The following PTPRJ variants were observed in gnomAD, a reference collection of about 807,000 sequenced individuals.
PTPRJ encodes the protein protein tyrosine phosphatase receptor type J.
In PTPRJ, 129 loss-of-function variants were observed where a neutral mutation model predicts 141.3. That is an observed-to-expected ratio of 0.91 (90% CI 0.79 to 1.06). The LOEUF is 1.06. Ranked by LOEUF, PTPRJ falls within the 50% of genes least tolerant of loss-of-function variation. The probability of loss-of-function intolerance (pLI) is 0.00; values close to 1 mark genes in which losing one functional copy is unlikely to be tolerated. For missense variants in PTPRJ, 1,601 were observed against 1,679.7 expected (o/e 0.95, Z 0.82); for synonymous variants, 610 against 640.5 (o/e 0.95, Z 0.72).
intron 1 of PTPRJ, among the ~76,000 whole-genome samples, chr11:47,991,248 A>G (rs1042098588): frequency 2.6e-5 from 4 of 152,122 alleles, no homozygotes; most frequent in Non-Finnish European, 5.9e-5. Flanking sequence ...CCTAGCCCCG[A>G]AGGAGCACAG....
At chr11:48,045,853 C>T (rs1036329868) in intron 1 of PTPRJ, among the ~76,000 whole-genome samples, 5 of 152,120 alleles carry the variant, frequency 3.3e-5, no homozygotes, top group South Asian at 2.1e-4. Flanking sequence ...CATGTGTTCC[C>T]GTGAGTGGAG....
At chr11:48,047,217 T>G (rs1357811633) in intron 1 of PTPRJ, among the ~76,000 whole-genome samples, 1 of 152,078 alleles carries the variant, frequency 6.6e-6, no homozygotes, top group African/African-American at 2.4e-5. Flanking sequence ...TGCCAGGCCT[T>G]ACATAAAAAT....
intron 1 of PTPRJ, chr11:48,046,410 G>A (rs1854399338): frequency 6.6e-6 from 1 of 152,156 alleles, no homozygotes; most frequent in African/African-American, 2.4e-5. Flanking sequence ...CTGTCTTATA[G>A]GTAAGGAAAT....
chr11:47,983,523 G>C (rs574348055), intron 1 of PTPRJ, among the ~76,000 whole-genome samples: 2 of 152,346 alleles, frequency 1.3e-5, no homozygotes, highest in African/African-American at 4.8e-5. Flanking sequence ...ATGCCGGAAG[G>C]CTCAGTGCTT....
intron 1 of PTPRJ, among the ~76,000 whole-genome samples, chr11:48,026,960 T>C (rs764400017): frequency 2.6e-5 from 4 of 151,160 alleles, no homozygotes; most frequent in Non-Finnish European, 4.4e-5. Context: ...TAAGGCTCCA[T>C]GACAATGGCC....
chr11:48,048,202 T>C (rs1854460124), intron 1 of PTPRJ, among the ~76,000 whole-genome samples: 1 of 152,194 alleles, frequency 6.6e-6, no homozygotes, highest in Non-Finnish European at 1.5e-5. Context: ...CCCTTGCCTT[T>C]GCTTGGGAGG....
At chr11:48,049,507 G>A (rs558061059) in intron 1 of PTPRJ, among the ~76,000 whole-genome samples, 5 of 138,856 alleles carry the variant, frequency 3.6e-5, no homozygotes, top group East Asian at 2.0e-4. Context: ...GTGAAACCCC[G>A]TCTCTACTAA....
chr11:48,161,986 G>A (rs1857794607), intron 22 of PTPRJ, among the ~76,000 whole-genome samples: 1 of 152,060 alleles, frequency 6.6e-6, no homozygotes. Context: ...ACTGCTTGGG[G>A]CTTACCTTGT....
chr11:48,082,410 ATTTTTT>A (rs386373791), intron 1 of PTPRJ, among the ~76,000 whole-genome samples: 9 of 125,254 alleles, frequency 7.2e-5, no homozygotes, highest in Non-Finnish European at 1.1e-4. Context: ...TACCTGGCAA[ATTTTTT>A]TTTTTTTTTT....
At chr11:48,012,390 C>T (rs569150926) in intron 1 of PTPRJ, among the ~76,000 whole-genome samples, 43 of 152,118 alleles carry the variant, frequency 2.8e-4, no homozygotes, top group South Asian at 6.2e-4. Context: ...CATGCCTGTT[C>T]GTTCAGCAGG....
At position 48,167,427 on chromosome 11, in the gene PTPRJ, C is replaced by T. The variant is rs529989420; in HGVS notation, c.*65C>T. On this transcript the variant is annotated 3_prime_UTR_variant, in exon 25 of 25. Transcript: ENST00000418331. ...GCACCCACAGCGAAGGCACATGCCC[C>T]GATGTCGACATGTTTTTATATGTCT... The T allele has an allele frequency of 3.2e-5, 48 of 1,502,760 alleles. No homozygotes were observed. In the East Asian group the frequency reaches 4.5e-4, roughly 14 times the overall value. The allele number at this position is 1,502,760 out of a possible 1,614,324, so 93.1% of individuals were successfully genotyped here. A position where few individuals can be genotyped will look rare whatever the true frequency, so the allele number is the denominator to read the frequency against.
chr11:48,077,147 T>C (rs1487999311), intron 1 of PTPRJ, among the ~76,000 whole-genome samples: 1 of 152,108 alleles, frequency 6.6e-6, no homozygotes. Flanking sequence ...ATTATAGGCA[T>C]GAACCACTGT....
At position 48,136,165 on chromosome 11, in the gene PTPRJ, C is replaced by G. The variant is rs199862481; in HGVS notation, c.1742C>G (p.Ser581Cys). The change falls in exon 9 of 25, where the codon TCT (serine) becomes TGT (cysteine). Residue 581 changes from serine to cysteine, a missense_variant. Transcript: ENST00000418331. ...YHLVIESKHG[S>C]NHTSTYDKAI... ...TTAGTCATAGAGTCCAAGCATGGCT[C>G]TAACCACACAAGCACGTATGACAAA... 1.1e-4 allele frequency: 171 copies of G among 1,614,228 alleles called. 1 individual carries two copies. The Admixed American group carries it at 1.3e-3, about 12-fold the overall frequency.
At chr11:47,987,717 T>C (rs1057144773) in intron 1 of PTPRJ, among the ~76,000 whole-genome samples, 14 of 152,212 alleles carry the variant, frequency 9.2e-5, no homozygotes, top group Admixed American at 7.9e-4. Flanking sequence ...TTTACCACCT[T>C]GTATGGCTGG....
At position 48,127,783 on chromosome 11, in the gene PTPRJ, C is replaced by T; in HGVS notation, c.1097C>T (p.Ala366Val). Reference sequence around the variant, plus strand: ...AACTCCTCTTGTGTTCTCACAGATGCTATTCAGGTTTTTGACGTCACCGCT... The same window carrying T: ...AACTCCTCTTGTGTTCTCACAGATGTTATTCAGGTTTTTGACGTCACCGCT... ...QPQAIEFRTN[A>V]IQVFDVTAVN... The change falls in exon 7 of 25, where the codon GCT (alanine) becomes GTT (valine). Residue 366 changes from alanine to valine, a missense_variant. Ala to Val is a moderately conservative substitution (Grantham distance 64). Transcript: ENST00000418331. 6.2e-6 allele frequency: 10 copies of T among 1,613,978 alleles called. No homozygotes were observed. The highest frequency in any genetic ancestry group is 8.5e-6 in the Non-Finnish European group (10 of 1,179,846).
chr11:48,036,672 T>C (rs1203706516), intron 1 of PTPRJ, among the ~76,000 whole-genome samples: 1 of 152,182 alleles, frequency 6.6e-6, no homozygotes, highest in Non-Finnish European at 1.5e-5. Context: ...TAGGAGAGAT[T>C]CCTAGAAATG....
At chr11:48,107,218 A>G (rs1021831225) in intron 1 of PTPRJ, among the ~76,000 whole-genome samples, 54 of 151,892 alleles carry the variant, frequency 3.6e-4, no homozygotes, top group African/African-American at 1.2e-3. Flanking sequence ...CTGGAACCAC[A>G]GTTGGGACTG....
intron 8 of PTPRJ, chr11:48,132,000 A>T: frequency 2.9e-6 from 1 of 344,432 alleles, no homozygotes; most frequent in Non-Finnish European, 4.1e-6. Flanking sequence ...TCTTCATTTT[A>T]AATCCCTGAT....
chr11:48,126,748 T>C (rs1856841084), intron 6 of PTPRJ, among the ~76,000 whole-genome samples: 1 of 151,184 alleles, frequency 6.6e-6, no homozygotes, highest in South Asian at 2.1e-4. Context: ...AGGAATTTTA[T>C]GGGGACAGAA....
Sources: gnomAD v4.1 joint callset for allele counts (sites outside exome capture counted in the v4.1 genomes callset) on GRCh38, gnomAD v4.1.1 for gene constraint, MANE v1.5 for transcripts, NCBI Gene and HGNC (gene_info 2026-07-23, HGNC 2026-07-21) for gene names.